Variants in CDH4 observed in about 807,000 individuals in gnomAD.
The protein encoded by CDH4 is cadherin-4.
In CDH4, 33 loss-of-function variants were observed where a neutral mutation model predicts 86.0. That is an observed-to-expected ratio of 0.38 (90% CI 0.29 to 0.51). CDH4 has a LOEUF of 0.51. Ranked by LOEUF, CDH4 falls within the 20% of genes least tolerant of loss-of-function variation. The pLI, the probability that CDH4 is intolerant of heterozygous loss-of-function variation, is 0.86. For synonymous variants in CDH4, 555 were observed against 549.4 expected (o/e 1.01, Z -0.14); for missense variants, 1,114 against 1,307.4 (o/e 0.85, Z 2.28).
intron 2 of CDH4, among the ~76,000 whole-genome samples, chr20:61,280,066 C>T (rs2084250702): frequency 6.6e-6 from 1 of 152,112 alleles, no homozygotes. Flanking sequence ...AAGTGCGGGG[C>T]CTCCCAGGTG....
Position 61,786,517 on chromosome 20 carries a change from T to A in CDH4, c.576+13335T>A, listed in dbSNP as rs1293767307. ...GAAAGGAACAGGCAGGCCCTTTGTG[T>A]TTACCGCCCTCTCATCCAAGCAGAA... is the stretch of plus-strand genomic sequence containing the variant. On this transcript the variant is annotated intron_variant, in intron 4 of 15. Transcript: ENST00000614565. Among the ~76,000 whole-genome samples, 9 of 152,240 alleles carry A rather than the reference T, an allele frequency of 5.9e-5. No homozygotes were observed. The East Asian group carries it at 1.7e-3, about 29-fold the overall frequency.
chr20:61,797,803 G>A (rs1182671171), intron 4 of CDH4, among the ~76,000 whole-genome samples: 2 of 152,134 alleles, frequency 1.3e-5, no homozygotes, highest in African/African-American at 4.8e-5. Flanking sequence ...AAACAAAAAA[G>A]ACAAATGTCC....
chr20:61,271,139 T>C (rs1355976665), intron 2 of CDH4, among the ~76,000 whole-genome samples: 1 of 152,180 alleles, frequency 6.6e-6, no homozygotes, highest in Non-Finnish European at 1.5e-5. Flanking sequence ...GTCAAGATTT[T>C]GGAACTCTCC....
chr20:61,593,605 GT>G (rs546763288), intron 2 of CDH4, among the ~76,000 whole-genome samples: 24 of 152,170 alleles, frequency 1.6e-4, no homozygotes, highest in Non-Finnish European at 3.1e-4. Context: ...GAGTCACTCA[GT>G]TTGCTGTATA....
At chr20:61,598,105 C>A (rs576365942) in intron 2 of CDH4, among the ~76,000 whole-genome samples, 1 of 152,298 alleles carries the variant, frequency 6.6e-6, no homozygotes, top group East Asian at 1.9e-4. Context: ...TGGCCAGACA[C>A]GCCGGGCACT....
chr20:61,279,859 A>G (rs1166976835), intron 2 of CDH4, among the ~76,000 whole-genome samples: 3 of 152,118 alleles, frequency 2.0e-5, no homozygotes, highest in Non-Finnish European at 2.9e-5. Context: ...GGGTGATTGC[A>G]CAGATGCCAG....
chr20:61,460,429 A>G (rs1333746037), intron 2 of CDH4, among the ~76,000 whole-genome samples: 2 of 152,152 alleles, frequency 1.3e-5, no homozygotes, highest in Non-Finnish European at 2.9e-5. Flanking sequence ...CATTGGAGAA[A>G]CTGGGGAGGT....
At chr20:61,331,035 G>T (rs1243925671) in intron 2 of CDH4, among the ~76,000 whole-genome samples, 2 of 152,122 alleles carry the variant, frequency 1.3e-5, no homozygotes, top group East Asian at 3.9e-4. Flanking sequence ...GATCATTCGA[G>T]ATTCTGCAAT....
intron 2 of CDH4, among the ~76,000 whole-genome samples, chr20:61,598,708 C>G (rs974495726): frequency 6.6e-6 from 1 of 152,222 alleles, no homozygotes; most frequent in African/African-American, 2.4e-5. Flanking sequence ...GGCCAGATCT[C>G]ATCGTGTTTC....
intron 2 of CDH4, among the ~76,000 whole-genome samples, chr20:61,691,219 C>T (rs2087648729): frequency 6.6e-6 from 1 of 152,026 alleles, no homozygotes. Context: ...TGACCAATCC[C>T]AGGACTCGGG....
chr20:61,496,044 T>C (rs1272437095), intron 2 of CDH4, among the ~76,000 whole-genome samples: 1 of 151,726 alleles, frequency 6.6e-6, no homozygotes, highest in Non-Finnish European at 1.5e-5. Context: ...ATTATGAAAA[T>C]TTTCATACTT....
chr20:61,656,550 G>A (rs1398474579), intron 2 of CDH4, among the ~76,000 whole-genome samples: 1 of 152,178 alleles, frequency 6.6e-6, no homozygotes, highest in Non-Finnish European at 1.5e-5. Context: ...GTGGGGCGCA[G>A]CCTCCCCTGG....
chr20:61,775,397 CT>C (rs1330774909), intron 4 of CDH4, among the ~76,000 whole-genome samples: 2 of 152,190 alleles, frequency 1.3e-5, no homozygotes, highest in Admixed American at 6.5e-5. Context: ...CACATTGCCC[CT>C]GGTAGACAGT....
rs112215809 is a variant in CDH4, at chr20:61,465,363, A to ATT, written c.169+210437_169+210438dup. Among the ~76,000 whole-genome samples, 1,098 of 147,794 alleles carry ATT rather than the reference A, an allele frequency of 7.4e-3. 11 individuals are homozygous for ATT. The highest frequency in any genetic ancestry group is 0.025 in the African/African-American group (1,024 of 40,536). On this transcript the variant is annotated intron_variant, in intron 2 of 15. Coordinates refer to ENST00000614565, the MANE Select transcript of CDH4 (RefSeq NM_001794.5). ...GGAAGGAGTGGATATTGAACCTGGGATTTTTTTTTTTTAACTTCTCCAATT... is the reference window on the plus strand; with the variant it reads ...GGAAGGAGTGGATATTGAACCTGGGATTTTTTTTTTTTTTAACTTCTCCAATT...
intron 2 of CDH4, among the ~76,000 whole-genome samples, chr20:61,388,648 G>A (rs1009474517): frequency 6.6e-6 from 1 of 152,192 alleles, no homozygotes; most frequent in African/African-American, 2.4e-5. Context: ...ACAACTCGGG[G>A]GTACTCTGTA....
At chr20:61,936,026 T>A (rs572222578) in intron 15 of CDH4, among the ~76,000 whole-genome samples, 274 of 152,138 alleles carry the variant, frequency 1.8e-3, no homozygotes, top group Non-Finnish European at 2.8e-3. Context: ...GGTGCTGGCA[T>A]GGAGGTGGCA....
chr20:61,503,134 G>A (rs2085716568), intron 2 of CDH4, among the ~76,000 whole-genome samples: 1 of 152,228 alleles, frequency 6.6e-6, no homozygotes, highest in South Asian at 2.1e-4. Context: ...CTTGCCTGGG[G>A]TTGGGCTGCA....
chr20:61,397,947 A>G (rs746530759), intron 2 of CDH4, among the ~76,000 whole-genome samples: 24 of 152,068 alleles, frequency 1.6e-4, no homozygotes, highest in Non-Finnish European at 2.9e-4. Context: ...TATCACTGGT[A>G]TTTTGGCCTG....
intron 2 of CDH4, among the ~76,000 whole-genome samples, chr20:61,590,440 G>A (rs2086510095): frequency 6.6e-6 from 1 of 152,182 alleles, no homozygotes; most frequent in Non-Finnish European, 1.5e-5. Flanking sequence ...CCGAAGGAGG[G>A]CACTCTCTCC....
Sources: allele counts gnomAD v4.1 joint callset (sites outside exome capture counted in the v4.1 genomes callset), GRCh38; gene constraint gnomAD v4.1.1; transcripts MANE v1.5; gene names NCBI Gene and HGNC (gene_info 2026-07-23, HGNC 2026-07-21).